SERINC5: variants seen among roughly 807,000 people sequenced by gnomAD.
SERINC5 encodes the protein serine incorporator 5, also known as chromosome 5 open reading frame 12.
In SERINC5, 41 loss-of-function variants were observed where a neutral mutation model predicts 63.1. The observed-to-expected ratio is 0.65, with a 90% CI of 0.51 to 0.84. The LOEUF (loss-of-function observed/expected upper bound fraction) is 0.84, where lower values mean the gene tolerates loss of function less well. Among genes scored for constraint, SERINC5 ranks in the 40% least tolerant of loss-of-function variants. The pLI is 0.00. For missense variants in SERINC5, 523 were observed against 573.0 expected (o/e 0.91, Z 0.89); for synonymous variants, 222 against 215.2 (o/e 1.03, Z -0.28).
At chr5:80,208,371 TAA>T (rs5869025) in intron 1 of SERINC5, among the ~76,000 whole-genome samples, 13,611 of 138,882 alleles carry the variant, frequency 0.098, 774 homozygotes, top group Non-Finnish European at 0.14. Context: ...AAAACTGCTC[TAA>T]AAAAAAAAAA....
intron 11 of SERINC5, among the ~76,000 whole-genome samples, chr5:80,116,505 T>A (rs4703798): frequency 6.6e-6 from 1 of 151,722 alleles, no homozygotes; most frequent in Non-Finnish European, 1.5e-5. Flanking sequence ...TTCCCCACTC[T>A]CCAGGCTTAG....
At chr5:80,133,419 T>G (rs1048228346) in intron 11 of SERINC5, among the ~76,000 whole-genome samples, 1 of 152,168 alleles carries the variant, frequency 6.6e-6, no homozygotes, top group Non-Finnish European at 1.5e-5. Context: ...TGTAGCAATG[T>G]GGAAGATGGT....
intron 1 of SERINC5, among the ~76,000 whole-genome samples, chr5:80,209,964 C>T (rs1750355012): frequency 6.6e-6 from 1 of 151,606 alleles, no homozygotes; most frequent in Non-Finnish European, 1.5e-5. Context: ...AGGAGGATTG[C>T]CTCCCAAATA....
intron 7 of SERINC5, among the ~76,000 whole-genome samples, chr5:80,160,374 C>G (rs187730295): frequency 1.1e-4 from 17 of 152,290 alleles, no homozygotes; most frequent in African/African-American, 3.6e-4. Flanking sequence ...ATGGAGTCTT[C>G]CATTTGGAAC....
intron 1 of SERINC5, among the ~76,000 whole-genome samples, chr5:80,209,867 G>A (rs561180511): frequency 2.0e-5 from 3 of 151,896 alleles, no homozygotes; most frequent in Non-Finnish European, 4.4e-5. Context: ...GGGTAACATG[G>A]CAAAACCCCA....
chr5:80,254,877 G>A (rs1279832988), intron 1 of SERINC5, among the ~76,000 whole-genome samples: 3 of 152,152 alleles, frequency 2.0e-5, no homozygotes, highest in Admixed American at 6.5e-5. Flanking sequence ...TATAATCGCC[G>A]GTTACAGAAA....
rs528177813 is a variant in SERINC5 at position 80,139,866 on chromosome 5, C to A, written c.*3797G>T. On this transcript the variant is annotated 3_prime_UTR_variant, in exon 12 of 12. Coordinates refer to ENST00000507668, the MANE Select transcript of SERINC5 (RefSeq NM_001174072.3). Reference sequence around the variant, plus strand: ...CTTAGTTGTAGGTTGGGCCCTCTTTCGTTTCCAAGAGGTATAGGACACTAG... The same window carrying A: ...CTTAGTTGTAGGTTGGGCCCTCTTTAGTTTCCAAGAGGTATAGGACACTAG... 3.7e-5 allele frequency: 36 copies of A among 985,140 alleles called. No individual in the cohort carries two copies. Among genetic ancestry groups the A allele is most frequent in the Non-Finnish European group, 4.1e-5 (34 of 829,922 alleles). The allele number at this position is 985,140 out of a possible 1,614,324, so 61.0% of individuals were successfully genotyped here.
chr5:80,211,191 A>G (rs1207779710), intron 1 of SERINC5, among the ~76,000 whole-genome samples: 1 of 152,228 alleles, frequency 6.6e-6, no homozygotes. Context: ...GAGCAGCGGT[A>G]AGCTCTTCAA....
intron 1 of SERINC5, among the ~76,000 whole-genome samples, chr5:80,230,762 A>C (rs1751403212): frequency 6.6e-6 from 1 of 151,542 alleles, no homozygotes; most frequent in African/African-American, 2.4e-5. Flanking sequence ...CAGGGTCCAA[A>C]CCCAGGTATA....
rs1580051215 is a variant in SERINC5 at position 80,141,117 on chromosome 5, T to A, written c.*2546A>T. ...ACAATTAATAACCATTAACATTAAC[T>A]CTGCATTGATAGTCCCTCAATCCTC... On this transcript the variant is annotated 3_prime_UTR_variant, in exon 12 of 12. Transcript: ENST00000507668. 1 of 985,212 alleles carries A rather than the reference T, an allele frequency of 1.0e-6. No homozygotes were observed. Among genetic ancestry groups the A allele is most frequent in the Non-Finnish European group, 1.2e-6 (1 of 829,836 alleles). 61.0% of individuals were successfully genotyped at this position (985,212 alleles called of 1,614,324 possible).
At chr5:80,177,253 G>C (rs1405801918) in intron 4 of SERINC5, 62 bp downstream of exon 4, 1 of 1,223,646 alleles carries the variant, frequency 8.2e-7, no homozygotes, top group Admixed American at 1.9e-5. Flanking sequence ...CTGCGCTTCT[G>C]AGCAATTTGA....
intron 1 of SERINC5, among the ~76,000 whole-genome samples, chr5:80,230,876 G>A (rs951617407): frequency 7.2e-5 from 11 of 151,956 alleles, no homozygotes; most frequent in Non-Finnish European, 1.3e-4. Context: ...GCAGTGGCAC[G>A]ATCACAGCTC....
At chr5:80,214,933 A>AT (rs1365418596) in intron 1 of SERINC5, among the ~76,000 whole-genome samples, 7 of 152,120 alleles carry the variant, frequency 4.6e-5, no homozygotes, top group East Asian at 1.9e-4. Flanking sequence ...TTATGTATGC[A>AT]TTTTTTACCC....
At chr5:80,127,756 C>T (rs1416936271) in intron 11 of SERINC5, among the ~76,000 whole-genome samples, 1 of 151,978 alleles carries the variant, frequency 6.6e-6, no homozygotes, top group Non-Finnish European at 1.5e-5. Context: ...GAATGCCCAA[C>T]TGGCTTGTAA....
chr5:80,161,014 ACGTG>A (rs1216756977), intron 7 of SERINC5, among the ~76,000 whole-genome samples: 66 of 136,126 alleles, frequency 4.8e-4, no homozygotes, highest in African/African-American at 1.7e-3. Flanking sequence ...GTGTATATAT[ACGTG>A]TATATATATA....
intron 1 of SERINC5, among the ~76,000 whole-genome samples, chr5:80,233,702 C>T (rs943880763): frequency 1.4e-4 from 21 of 150,106 alleles, no homozygotes; most frequent in African/African-American, 5.2e-4. Flanking sequence ...ATTCCTAGGA[C>T]TTTAGGAGCT....
At chr5:80,113,431 T>G (rs2112216287) in intron 12 of SERINC5, 1 of 154,868 alleles carries the variant, frequency 6.5e-6, no homozygotes, top group East Asian at 1.9e-4. Context: ...CTGTGACGGG[T>G]CTGGACACAT....
At chr5:80,168,768 C>T (rs886379783) in intron 6 of SERINC5, among the ~76,000 whole-genome samples, 5 of 152,174 alleles carry the variant, frequency 3.3e-5, no homozygotes, top group Admixed American at 2.0e-4. Context: ...CTCTTCCTTC[C>T]GGCTTTGAAA....
Position 80,143,537 on chromosome 5 carries a change from TTC to T in SERINC5, c.*124_*125del. On this transcript the variant is annotated 3_prime_UTR_variant, in exon 12 of 12. Transcript: ENST00000507668. ...AAAGCTAATCAGGAGATTTTTTTTT[TTC>T]TCTCTCAAAGCTTTTTCAGACCCAC... 1.3e-5 allele frequency: 18 copies of T among 1,367,412 alleles called. No homozygotes were observed. Among genetic ancestry groups the T allele is most frequent in the Middle Eastern group, 2.7e-4 (1 of 3,670 alleles). 84.7% of individuals were successfully genotyped at this position (1,367,412 alleles called of 1,614,324 possible). A position where few individuals can be genotyped will look rare whatever the true frequency, so the allele number is the denominator to read the frequency against.
Sources: gnomAD v4.1 joint callset for allele counts (sites outside exome capture counted in the v4.1 genomes callset) on GRCh38, gnomAD v4.1.1 for gene constraint, MANE v1.5 for transcripts, NCBI Gene and HGNC (gene_info 2026-07-23, HGNC 2026-07-21) for gene names.